RCAN2: variants seen among roughly 807,000 people sequenced by gnomAD.
RCAN2 encodes the protein calcipressin-2.
RCAN2 carries 9 observed loss-of-function variants against 23.6 expected under a neutral mutation model. The ratio of observed to expected loss-of-function variants is 0.38; its 90% confidence interval spans 0.23 to 0.67. RCAN2 has a LOEUF of 0.67. RCAN2 is among the 30% of genes least tolerant of loss of function. The pLI is 0.51. For synonymous variants in RCAN2, 109 were observed against 115.7 expected, an observed-to-expected ratio of 0.94 and a Z score of 0.37; for missense variants, 273 against 302.3, an observed-to-expected ratio of 0.90 and a Z score of 0.72.
At position 46,489,674 on chromosome 6, in the gene RCAN2, G is replaced by A. The variant is rs188158731; in HGVS notation, c.-3+1499C>T. Among the ~76,000 whole-genome samples, 7 of 152,310 alleles carry A rather than the reference G, an allele frequency of 4.6e-5. No homozygotes were observed. The East Asian group carries it at 1.3e-3, about 29-fold the overall frequency. On this transcript the variant is annotated intron_variant, in intron 1 of 4. Transcript: ENST00000371374. ...GTCATGCCCTCCCAAATTTAGGTGA[G>A]TTCTGGAGGACCTGCACACACTAAG...
intron 2 of RCAN2, among the ~76,000 whole-genome samples, chr6:46,386,235 A>T (rs534814727): frequency 1.3e-5 from 2 of 152,306 alleles, no homozygotes; most frequent in South Asian, 4.1e-4. Flanking sequence ...TTCTCAAAAG[A>T]CGACAGTTAT....
chr6:46,282,506 A>T (rs1762233466), intron 2 of RCAN2, among the ~76,000 whole-genome samples: 1 of 136,268 alleles, frequency 7.3e-6, no homozygotes, highest in African/African-American at 2.8e-5. Flanking sequence ...ACAAACAAAC[A>T]AAAGGTCACA....
intron 2 of RCAN2, among the ~76,000 whole-genome samples, chr6:46,357,197 A>C (rs1301738494): frequency 6.6e-6 from 1 of 152,178 alleles, no homozygotes; most frequent in Non-Finnish European, 1.5e-5. Context: ...GCAAACCAGA[A>C]TGGTTGGCCA....
At chr6:46,345,336 G>GA (rs568908920) in intron 2 of RCAN2, among the ~76,000 whole-genome samples, 2 of 151,786 alleles carry the variant, frequency 1.3e-5, no homozygotes, top group African/African-American at 4.8e-5. Flanking sequence ...GAAATTGATA[G>GA]AAAAAAAATA....
chr6:46,349,597 GC>G (rs1232297567), intron 2 of RCAN2, among the ~76,000 whole-genome samples: 1 of 151,570 alleles, frequency 6.6e-6, no homozygotes, highest in African/African-American at 2.4e-5. Context: ...AAAAAAATCT[GC>G]CCTCAGGGAA....
At chr6:46,325,806 T>C in intron 2 of RCAN2, 2 of 1,059,904 alleles carry the variant, frequency 1.9e-6, no homozygotes, top group Non-Finnish European at 2.3e-6. Flanking sequence ...GTGCTAAATC[T>C]GAACTCAGAC....
At chr6:46,263,539 ATGTGTGTGTGTGTGTGTGTGTATG>A (rs1767208578) in intron 2 of RCAN2, among the ~76,000 whole-genome samples, 1 of 82,376 alleles carries the variant, frequency 1.2e-5, no homozygotes, top group African/African-American at 3.4e-5. Context: ...GTGTGTGTGT[ATGTGTGTGTGTGTGTGTGTGTATG>A]TGTGTGTGTG....
At position 46,445,670 on chromosome 6, in the gene RCAN2, T is replaced by C. The variant is rs560333426; in HGVS notation, c.225+11082A>G. ...GAAAGCTCACAAAAATATAATAACA[T>C]ACAGAGAAACAATTTAACAAAATTA... On this transcript the variant is annotated intron_variant, in intron 2 of 4. Coordinates refer to ENST00000371374, the MANE Select transcript of RCAN2 (RefSeq NM_001251974.2). Among the ~76,000 whole-genome samples the C allele has an allele frequency of 2.6e-5, 4 of 151,986 alleles. No individual in the cohort carries two copies. The East Asian group carries it at 5.8e-4, about 22-fold the overall frequency.
intron 2 of RCAN2, among the ~76,000 whole-genome samples, chr6:46,255,826 A>C (rs140462416): frequency 6.6e-6 from 1 of 152,300 alleles, no homozygotes; most frequent in Non-Finnish European, 1.5e-5. Context: ...ATCATCTATA[A>C]AAAGGGATGG....
At chr6:46,286,724 C>T (rs376289792) in intron 2 of RCAN2, among the ~76,000 whole-genome samples, 2 of 152,184 alleles carry the variant, frequency 1.3e-5, no homozygotes, top group South Asian at 2.1e-4. Context: ...ACTTCAAGGC[C>T]GGGAGTGGTG....
At chr6:46,248,966 A>G in intron 2 of RCAN2, 70 bp from the exon 3 acceptor site, 1 of 1,073,308 alleles carries the variant, frequency 9.3e-7, no homozygotes, top group Non-Finnish European at 1.3e-6. Context: ...CATATCTGAT[A>G]AAAACAAACA....
intron 2 of RCAN2, among the ~76,000 whole-genome samples, chr6:46,435,180 A>G (rs1039302727): frequency 6.6e-6 from 1 of 152,242 alleles, no homozygotes; most frequent in Non-Finnish European, 1.5e-5. Flanking sequence ...GCTATTGGCT[A>G]TCATTCTGTC....
chr6:46,456,929 C>T lies in RCAN2; in HGVS notation c.48G>A (p.Gln16=), dbSNP rs1279268848. Residue 16 remains glutamine, a synonymous_variant, in exon 2 of 5, where the codon CAG becomes CAA. Coordinates refer to ENST00000371374, the MANE Select transcript of RCAN2 (RefSeq NM_001251974.2). ...YFIGMRSPGQ[Q]GHVPEDGGLF... ...GTCCTCCATCTTCAGGGACGTGTCC[C>T]TGCTGCCCTGGGCTCCTCATTCCGA... 2.6e-6 allele frequency: 4 copies of T among 1,550,868 alleles called. No individual in the cohort carries two copies. The highest frequency in any genetic ancestry group is 2.0e-5 in the Admixed American group (1 of 51,014).
At chr6:46,354,167 A>T (rs1013696442) in intron 2 of RCAN2, among the ~76,000 whole-genome samples, 1 of 150,032 alleles carries the variant, frequency 6.7e-6, no homozygotes, top group African/African-American at 2.5e-5. Context: ...TGTGGTCTGC[A>T]CTTGCACACA....
intron 2 of RCAN2, among the ~76,000 whole-genome samples, chr6:46,430,081 C>A (rs1406528912): frequency 6.6e-6 from 1 of 152,120 alleles, no homozygotes; most frequent in Non-Finnish European, 1.5e-5. Flanking sequence ...TTTACACATA[C>A]CATATTTGAG....
intron 2 of RCAN2, among the ~76,000 whole-genome samples, chr6:46,294,696 C>G (rs928214300): frequency 2.0e-5 from 3 of 152,064 alleles, no homozygotes; most frequent in African/African-American, 7.2e-5. Flanking sequence ...ATATATGGAG[C>G]ATGATCCCAA....
intron 2 of RCAN2, among the ~76,000 whole-genome samples, chr6:46,445,318 C>G (rs1328859652): frequency 1.3e-5 from 2 of 152,150 alleles, no homozygotes; most frequent in Non-Finnish European, 2.9e-5. Context: ...ACTCAAGCAC[C>G]AGGCCTGCCC....
chr6:46,243,878 G>A (rs1228261277), intron 4 of RCAN2, among the ~76,000 whole-genome samples: 1 of 147,350 alleles, frequency 6.8e-6, no homozygotes, highest in African/African-American at 2.5e-5. Context: ...ATAAATGTTT[G>A]CCAGAGTTGA....
intron 1 of RCAN2, among the ~76,000 whole-genome samples, chr6:46,461,829 G>A (rs751294095): frequency 5.9e-5 from 9 of 151,966 alleles, no homozygotes; most frequent in African/African-American, 1.9e-4. Flanking sequence ...CAGGTGATCC[G>A]CCTGCCTCAG....
Sources: gnomAD v4.1 joint callset for allele counts (sites outside exome capture counted in the v4.1 genomes callset) on GRCh38, gnomAD v4.1.1 for gene constraint, MANE v1.5 for transcripts, NCBI Gene and HGNC (gene_info 2026-07-23, HGNC 2026-07-21) for gene names.